Variants in XIRP2 observed in about 807,000 individuals in gnomAD.
XIRP2 encodes xin actin binding repeat containing 2.
XIRP2 carries 236 observed loss-of-function variants against 277.0 expected under a neutral mutation model. The observed-to-expected ratio is 0.85, with a 90% confidence interval of 0.77 to 0.95. XIRP2 has a LOEUF of 0.95. XIRP2 is among the 40% of genes least tolerant of loss of function. XIRP2 has a pLI of 0.00. For missense variants in XIRP2, 4,640 were observed against 4,157.5 expected (o/e 1.12, Z -3.19); for synonymous variants, 1,490 against 1,416.5 (o/e 1.05, Z -1.17).
chr2:167,217,230 A>C (rs12622076), intron 4 of XIRP2, among the ~76,000 whole-genome samples: 11,213 of 150,326 alleles, frequency 0.075, 523 homozygotes, highest in East Asian at 0.18. Context: ...ACATGTATAC[A>C]TATGTAACTA....
At chr2:167,014,555 A>G (rs994953884) in intron 2 of XIRP2, among the ~76,000 whole-genome samples, 3 of 151,750 alleles carry the variant, frequency 2.0e-5, no homozygotes, top group Non-Finnish European at 2.9e-5. Context: ...GAACAAAAAT[A>G]CAAAGAAGTG....
chr2:167,068,456 G>A (rs1689357083), intron 2 of XIRP2, among the ~76,000 whole-genome samples: 1 of 152,014 alleles, frequency 6.6e-6, no homozygotes, highest in South Asian at 2.1e-4. Flanking sequence ...AATAAGTTTT[G>A]TTTCATTTTT....
At chr2:167,075,842 GGGGTTTCGCCATGTTGGCCAGGT>G (rs1241815451) in intron 2 of XIRP2, among the ~76,000 whole-genome samples, 3 of 149,138 alleles carry the variant, frequency 2.0e-5, no homozygotes, top group Non-Finnish European at 3.0e-5. Flanking sequence ...TAGTATTGAT[GGGGTTTCGCCATGTTGGCCAGGT>G]GGGTTTCGCC....
chr2:167,091,892 A>G (rs78248760), intron 2 of XIRP2, among the ~76,000 whole-genome samples: 11,511 of 152,098 alleles, frequency 0.076, 508 homozygotes, highest in South Asian at 0.16. Context: ...CGTTTCCTTT[A>G]GTTTGTAGCA....
chr2:167,018,099 G>A (rs552377919), intron 2 of XIRP2, among the ~76,000 whole-genome samples: 17 of 151,986 alleles, frequency 1.1e-4, no homozygotes, highest in South Asian at 2.1e-4. Flanking sequence ...TCAATTTCTC[G>A]TCATCTCTCT....
At chr2:167,142,377 G>A (rs111546058) in intron 3 of XIRP2, among the ~76,000 whole-genome samples, 15,651 of 151,768 alleles carry the variant, frequency 0.1, 890 homozygotes, top group South Asian at 0.16. Context: ...GTGAAACCCC[G>A]TCTCTACTAA....
At chr2:166,927,809 AG>A (rs1467387910) in intron 2 of XIRP2, among the ~76,000 whole-genome samples, 1 of 152,116 alleles carries the variant, frequency 6.6e-6, no homozygotes, top group African/African-American at 2.4e-5. Flanking sequence ...GGGGGGATGG[AG>A]GCTCATTATG....
chr2:166,975,930 CAAAAAAAAAAAA>C (rs550529718), intron 2 of XIRP2, among the ~76,000 whole-genome samples: 660 of 45,720 alleles, frequency 0.014, 13 homozygotes, highest in Non-Finnish European at 0.021. Context: ...GACTCCGTCT[CAAAAAAAAAAAA>C]AAAAAAAAAA....
rs755415617 is a variant in XIRP2, at chr2:167,250,053, C to T, written c.8661C>T (p.Pro2887=). 2.5e-6 allele frequency: 4 copies of T among 1,613,364 alleles called. No homozygotes were observed. The highest frequency in any genetic ancestry group is 2.7e-5 in the African/African-American group (2 of 74,834). The change falls in exon 9 of 11, where the codon CCC becomes CCT. Residue 2887 remains proline, a synonymous_variant. Coordinates refer to ENST00000409195, the MANE Select transcript of XIRP2 (RefSeq NM_152381.6). ...AESKAEHKKL[P]QPYNSLQEEK... is the part of the protein sequence containing the mutation. ...GTAAAGCTGAACATAAAAAATTGCC[C>T]CAGCCATATAATAGTCTGCAGGAAG...
chr2:167,143,936 A>G (rs1558995517), intron 3 of XIRP2, among the ~76,000 whole-genome samples: 1 of 152,108 alleles, frequency 6.6e-6, no homozygotes, highest in Non-Finnish European at 1.5e-5. Flanking sequence ...TTTTTAATGT[A>G]TTTTTATTTT....
At chr2:167,254,205 G>A (rs772464049) in intron 10 of XIRP2, 40 bp downstream of exon 10, 1 of 1,590,886 alleles carries the variant, frequency 6.3e-7, no homozygotes, top group East Asian at 2.3e-5. Flanking sequence ...TATTCCAGGA[G>A]CTGCACTCTA....
In XIRP2 at chr2:167,249,511, A is replaced by G. The variant is rs1695399496; in HGVS notation, c.8119A>G (p.Asn2707Asp). ...HLPQSKPISP[N>D]FKVKTIKLPT... ...GCCCCAAAGCAAACCAATTTCCCCA[A>G]ATTTCAAAGTTAAAACCATCAAACT... Residue 2707 changes from asparagine (N) to aspartate (D), a missense_variant, in exon 9 of 11, where the codon AAT becomes GAT. Physicochemically the swap from Asn to Asp is conservative, Grantham distance 23. Transcript: ENST00000409195. 1.2e-6 allele frequency: 2 copies of G among 1,613,782 alleles called. No homozygotes were observed. Among genetic ancestry groups the G allele is most frequent in the Non-Finnish European group, 1.7e-6 (2 of 1,179,812 alleles).
chr2:167,202,153 ACT>A (rs10542125), intron 3 of XIRP2, among the ~76,000 whole-genome samples: 17,549 of 152,050 alleles, frequency 0.12, 1,287 homozygotes, highest in African/African-American at 0.21. Context: ...AAATATGCAC[ACT>A]CTACAGGCAT....
At chr2:167,118,497 A>AATAAG (rs1165528539) in intron 2 of XIRP2, among the ~76,000 whole-genome samples, 9 of 140,722 alleles carry the variant, frequency 6.4e-5, no homozygotes, top group Non-Finnish European at 1.4e-4. Flanking sequence ...AATAAAATAA[A>AATAAG]ATAAAATAAA....
intron 3 of XIRP2, among the ~76,000 whole-genome samples, chr2:167,139,896 T>A (rs75861135): frequency 0.078 from 11,876 of 152,238 alleles, 556 homozygotes; most frequent in African/African-American, 0.12. Context: ...TAAGTAATGT[T>A]CATGTAAATC....
chr2:167,218,249 C>T lies in XIRP2; in HGVS notation c.807C>T (p.Ser269=). 2 of 1,608,284 alleles carry T rather than the reference C, an allele frequency of 1.2e-6. No individual in the cohort carries two copies. Among genetic ancestry groups the T allele is most frequent in the South Asian group, 1.1e-5 (1 of 90,142 alleles). The change falls in exon 5 of 11, where the codon TCC becomes TCT. Residue 269 remains serine (S), a synonymous_variant. Coordinates refer to ENST00000409195, the MANE Select transcript of XIRP2 (RefSeq NM_152381.6). ...AATTTGAGGACGAAATTACTTCTTCCCGTAATACCTTTGCTCAATACCAAT... is the reference window on the plus strand; with the variant it reads ...AATTTGAGGACGAAATTACTTCTTCTCGTAATACCTTTGCTCAATACCAAT... ...KKQFEDEITS[S]RNTFAQYQYQ...
chr2:166,955,414 G>T (rs1019894136), intron 2 of XIRP2, among the ~76,000 whole-genome samples: 1 of 151,738 alleles, frequency 6.6e-6, no homozygotes, highest in Non-Finnish European at 1.5e-5. Context: ...AAGAGGTTGT[G>T]AGTATGAGGG....
Position 167,259,027 on chromosome 2 carries a change from T to C in XIRP2, c.*1210T>C. The stretch of plus-strand genomic sequence containing the variant: ...ATCTCTTAAACATTAAAGGAAGCCA[T>C]TCAAAGAGCAAAAATTTACACTTTT... On this transcript the variant is annotated 3_prime_UTR_variant, in exon 11 of 11. Transcript: ENST00000409195. 6.2e-7 allele frequency: 1 copy of C among 1,609,580 alleles called. No homozygotes were observed. The highest frequency in any genetic ancestry group is 1.1e-5 in the South Asian group (1 of 90,814).
intron 3 of XIRP2, among the ~76,000 whole-genome samples, chr2:167,159,537 G>A (rs773804976): frequency 1.3e-4 from 20 of 151,936 alleles, no homozygotes; most frequent in Non-Finnish European, 2.2e-4. Context: ...CTCTTATTGT[G>A]AGGCATAAAA....
Sources: gnomAD v4.1 joint callset for allele counts (sites outside exome capture counted in the v4.1 genomes callset) on GRCh38, gnomAD v4.1.1 for gene constraint, MANE v1.5 for transcripts, NCBI Gene and HGNC (gene_info 2026-07-23, HGNC 2026-07-21) for gene names.